The following CDH2 variants were observed in gnomAD, a reference collection of about 807,000 sequenced individuals.
CDH2 encodes cadherin-2.
A neutral mutation model predicts 92.0 loss-of-function variants in CDH2; 17 were observed. That is an observed-to-expected ratio of 0.18 (90% confidence interval 0.13 to 0.28). CDH2 has a LOEUF of 0.28. Among genes scored for constraint, CDH2 ranks in the 10% least tolerant of loss-of-function variants. The probability of loss-of-function intolerance (pLI) is 1.00; values close to 1 mark genes in which losing one functional copy is unlikely to be tolerated. For synonymous variants in CDH2, 419 were observed against 415.9 expected, an observed-to-expected ratio of 1.01 and a Z score of -0.09; for missense variants, 862 against 1,133.1, an observed-to-expected ratio of 0.76 and a Z score of 3.44.
chr18:28,046,386 ATT>A (rs1319013385), intron 2 of CDH2, among the ~76,000 whole-genome samples: 1 of 152,190 alleles, frequency 6.6e-6, no homozygotes, highest in African/African-American at 2.4e-5. Flanking sequence ...ACAGAGAATT[ATT>A]TCTTTAAAAA....
At chr18:28,072,822 A>G (rs2014644824) in intron 2 of CDH2, among the ~76,000 whole-genome samples, 1 of 152,260 alleles carries the variant, frequency 6.6e-6, no homozygotes, top group Non-Finnish European at 1.5e-5. Flanking sequence ...TTGAACATGA[A>G]AGCGACAACA....
chr18:27,999,135 T>C (rs1389630252), intron 7 of CDH2, among the ~76,000 whole-genome samples: 1 of 152,082 alleles, frequency 6.6e-6, no homozygotes, highest in Non-Finnish European at 1.5e-5. Context: ...AGAACAATAT[T>C]TAGGCAGAGG....
intron 9 of CDH2, among the ~76,000 whole-genome samples, chr18:27,991,075 C>T (rs2143970879): frequency 6.6e-6 from 1 of 152,256 alleles, no homozygotes; most frequent in South Asian, 2.1e-4. Context: ...ACAAATAACC[C>T]TTCATGTAAA....
At chr18:28,136,006 A>G (rs1054728254) in intron 2 of CDH2, among the ~76,000 whole-genome samples, 1 of 152,228 alleles carries the variant, frequency 6.6e-6, no homozygotes, top group Non-Finnish European at 1.5e-5. Flanking sequence ...CTGTTGAATG[A>G]ATGTACAGAA....
intron 2 of CDH2, among the ~76,000 whole-genome samples, chr18:28,111,059 G>C (rs2015403163): frequency 6.6e-6 from 1 of 152,166 alleles, no homozygotes; most frequent in South Asian, 2.1e-4. Context: ...TTCTTGCTCA[G>C]TGTTGCAAAA....
intron 2 of CDH2, among the ~76,000 whole-genome samples, chr18:28,128,254 T>C (rs897679105): frequency 6.6e-6 from 1 of 152,164 alleles, no homozygotes; most frequent in African/African-American, 2.4e-5. Flanking sequence ...ACTTGTTCAA[T>C]TTGGCTAAGT....
At chr18:27,961,918 G>A (rs978412849) in intron 15 of CDH2, among the ~76,000 whole-genome samples, 2 of 151,878 alleles carry the variant, frequency 1.3e-5, no homozygotes, top group Admixed American at 6.6e-5. Context: ...TGGGAAACAG[G>A]CTGGTGAGAC....
At chr18:27,939,274 A>G (rs1909083836) in intron 6 of CDH2, among the ~76,000 whole-genome samples, 3 of 152,136 alleles carry the variant, frequency 2.0e-5, no homozygotes, top group Admixed American at 6.5e-5. Flanking sequence ...AATTTCAGAT[A>G]GCCTGGGGTC....
intron 2 of CDH2, among the ~76,000 whole-genome samples, chr18:28,111,222 G>A (rs995464490): frequency 1.3e-5 from 2 of 152,146 alleles, no homozygotes; most frequent in Admixed American, 6.5e-5. Flanking sequence ...CAAAGCCTCC[G>A]CAGCTTAGCC....
At chr18:27,992,598 T>C in intron 9 of CDH2, 57 bp downstream of exon 9, 2 of 1,387,024 alleles carry the variant, frequency 1.4e-6, no homozygotes, top group Middle Eastern at 2.5e-4. Context: ...GTGGGGGACA[T>C]ATATTGGTCC....
chr18:27,973,454 T>C (rs1240380897), intron 14 of CDH2, among the ~76,000 whole-genome samples: 1 of 152,174 alleles, frequency 6.6e-6, no homozygotes, highest in African/African-American at 2.4e-5. Flanking sequence ...GAAAGCTGCT[T>C]TCCCTTGTTT....
chr18:28,129,148 C>G (rs988657062), intron 2 of CDH2, among the ~76,000 whole-genome samples: 1 of 152,168 alleles, frequency 6.6e-6, no homozygotes, highest in Non-Finnish European at 1.5e-5. Context: ...GTGTGATCTT[C>G]TGGTTAATAG....
intron 2 of CDH2, among the ~76,000 whole-genome samples, chr18:28,088,042 T>C (rs2014968060): frequency 7.9e-5 from 12 of 152,152 alleles, no homozygotes; most frequent in Non-Finnish European, 1.5e-5. Flanking sequence ...AAGATGACCC[T>C]TCAGTAACTA....
intron 11 of CDH2, among the ~76,000 whole-genome samples, chr18:27,988,297 A>C (rs1051384153): frequency 2.0e-5 from 3 of 152,186 alleles, no homozygotes; most frequent in East Asian, 3.9e-4. Flanking sequence ...TAAGATAACA[A>C]AGGTATGTCT....
In CDH2 at chr18:27,952,312, G is replaced by A. The variant is rs199653924; in HGVS notation, c.2562C>T (p.Ser854=). The A allele has an allele frequency of 3.1e-6, 5 of 1,613,460 alleles. No individual in the cohort carries two copies. The African/African-American group carries it at 5.3e-5, about 17-fold the overall frequency. Reference sequence around the variant, plus strand: ...TGCCTTCATAGTCAAACACTAACAGGGAGTCATATGGTGGAGCTGTGGGGT... The same window carrying A: ...TGCCTTCATAGTCAAACACTAACAGAGAGTCATATGGTGGAGCTGTGGGGT... ...DNDPTAPPYD[S]LLVFDYEGSG... The change falls in exon 16 of 16, where the codon TCC becomes TCT. Residue 854 remains serine, a synonymous_variant. Transcript: ENST00000269141.
intron 2 of CDH2, among the ~76,000 whole-genome samples, chr18:28,129,120 A>C (rs1357934438): frequency 6.6e-6 from 1 of 152,238 alleles, no homozygotes; most frequent in Admixed American, 6.5e-5. Flanking sequence ...ATATGCAAAC[A>C]GGCCTTAGAA....
chr18:28,116,280 G>GC (rs2015494719), intron 2 of CDH2, among the ~76,000 whole-genome samples: 1 of 152,132 alleles, frequency 6.6e-6, no homozygotes, highest in Non-Finnish European at 1.5e-5. Context: ...AACTTGTTAG[G>GC]GAGAGGCCAC....
intron 14 of CDH2, among the ~76,000 whole-genome samples, chr18:27,974,618 C>G (rs1305569180): frequency 6.6e-6 from 1 of 152,170 alleles, no homozygotes; most frequent in African/African-American, 2.4e-5. Context: ...CTGTGTCCCC[C>G]ACTAAAGTCA....
At chr18:28,010,083 G>A (rs1418205582) in intron 4 of CDH2, among the ~76,000 whole-genome samples, 1 of 152,116 alleles carries the variant, frequency 6.6e-6, no homozygotes, top group East Asian at 1.9e-4. Flanking sequence ...AAAGACTGGA[G>A]GCAACATTAA....
Sources: gnomAD v4.1 joint callset for allele counts (sites outside exome capture counted in the v4.1 genomes callset) on GRCh38, gnomAD v4.1.1 for gene constraint, MANE v1.5 for transcripts, NCBI Gene and HGNC (gene_info 2026-07-23, HGNC 2026-07-21) for gene names.